Variants in SORCS3 observed in about 807,000 individuals in gnomAD.
SORCS3 encodes VPS10 domain-containing receptor SorCS3.
Under a neutral mutation model 146.3 loss-of-function variants are expected in SORCS3, and 57 were observed. That is an observed-to-expected ratio of 0.39 (90% CI 0.31 to 0.49). The LOEUF (loss-of-function observed/expected upper bound fraction) is 0.49. Ranked by LOEUF, SORCS3 falls within the 20% of genes least tolerant of loss-of-function variation. SORCS3 has a pLI of 0.92. For missense variants in SORCS3, 1,341 were observed against 1,575.5 expected (o/e 0.85, Z 2.52); for synonymous variants, 653 against 618.5 (o/e 1.06, Z -0.83).
chr10:105,168,225 A>G (rs936470673), intron 13 of SORCS3, among the ~76,000 whole-genome samples: 1 of 152,172 alleles, frequency 6.6e-6, no homozygotes, highest in East Asian at 1.9e-4. Flanking sequence ...AATGAAATAG[A>G]GACAGTATAG....
At chr10:105,194,560 C>T (rs1475610275) in intron 14 of SORCS3, among the ~76,000 whole-genome samples, 2 of 152,140 alleles carry the variant, frequency 1.3e-5, no homozygotes, top group Admixed American at 6.5e-5. Flanking sequence ...ACTAAGAATT[C>T]GTTTCTCTTT....
At chr10:105,083,299 A>T (rs1348684268) in intron 5 of SORCS3, among the ~76,000 whole-genome samples, 3 of 151,912 alleles carry the variant, frequency 2.0e-5, no homozygotes, top group Non-Finnish European at 4.4e-5. Flanking sequence ...ATGCTTGAAA[A>T]TTCATCTTTA....
intron 21 of SORCS3, 119 bp downstream of exon 21, chr10:105,245,784 G>C: frequency 7.8e-7 from 1 of 1,276,314 alleles, no homozygotes; most frequent in Non-Finnish European, 1.1e-6. Flanking sequence ...AATTACATAG[G>C]TCAACAGGAA....
chr10:105,160,525 G>A (rs1284340986), intron 11 of SORCS3, among the ~76,000 whole-genome samples: 1 of 152,154 alleles, frequency 6.6e-6, no homozygotes. Flanking sequence ...TACTAGGGAG[G>A]CTGAGGCAGT....
chr10:105,112,488 C>T (rs1197710766), intron 7 of SORCS3, among the ~76,000 whole-genome samples: 1 of 152,072 alleles, frequency 6.6e-6, no homozygotes, highest in Non-Finnish European at 1.5e-5. Flanking sequence ...AAGCAGAAAA[C>T]CCACAGACCA....
intron 2 of SORCS3, among the ~76,000 whole-genome samples, chr10:104,915,417 A>G (rs1002572544): frequency 2.0e-5 from 3 of 151,030 alleles, no homozygotes; most frequent in African/African-American, 7.3e-5. Context: ...TGACCTCAGG[A>G]GACAGCTGGC....
chr10:105,242,609 T>C (rs1281756047), intron 20 of SORCS3, among the ~76,000 whole-genome samples: 2 of 96,074 alleles, frequency 2.1e-5, no homozygotes, highest in East Asian at 3.4e-4. Flanking sequence ...TATATACATT[T>C]ATATATATTT....
At chr10:104,735,477 T>TTTTTTTTTTTTTC (rs1564671258) in intron 1 of SORCS3, among the ~76,000 whole-genome samples, 1 of 141,878 alleles carries the variant, frequency 7.0e-6, no homozygotes, top group African/African-American at 2.6e-5. Flanking sequence ...TTTTTTTTTT[T>TTTTTTTTTTTTTC]AATCAATCCC....
intron 25 of SORCS3, among the ~76,000 whole-genome samples, chr10:105,257,539 A>G (rs1287238052): frequency 6.6e-6 from 1 of 152,216 alleles, no homozygotes; most frequent in African/African-American, 2.4e-5. Flanking sequence ...TTAGAAACGT[A>G]AAATTGAAAT....
At chr10:105,228,393 C>T (rs1230208239) in intron 20 of SORCS3, among the ~76,000 whole-genome samples, 1 of 150,908 alleles carries the variant, frequency 6.6e-6, no homozygotes, top group Non-Finnish European at 1.5e-5. Flanking sequence ...TTCTCTCTTT[C>T]CTTCTGTTTC....
At chr10:105,049,152 A>G (rs564895101) in intron 5 of SORCS3, among the ~76,000 whole-genome samples, 10 of 152,114 alleles carry the variant, frequency 6.6e-5, no homozygotes, top group Admixed American at 2.0e-4. Context: ...ATAAGACCCC[A>G]ATTCAACACT....
intron 6 of SORCS3, among the ~76,000 whole-genome samples, chr10:105,105,047 C>T (rs2055811502): frequency 6.6e-6 from 1 of 152,046 alleles, no homozygotes; most frequent in Non-Finnish European, 1.5e-5. Context: ...TTAGAATTCT[C>T]TAATTAGAAA....
chr10:105,097,742 C>T (rs150772837), intron 6 of SORCS3, among the ~76,000 whole-genome samples: 2 of 152,200 alleles, frequency 1.3e-5, no homozygotes, highest in East Asian at 1.9e-4. Flanking sequence ...ATGAACAAAG[C>T]AGTAACAACA....
intron 2 of SORCS3, among the ~76,000 whole-genome samples, chr10:104,895,788 G>T (rs2018792390): frequency 6.6e-6 from 1 of 152,160 alleles, no homozygotes; most frequent in Non-Finnish European, 1.5e-5. Flanking sequence ...CTCCCTGCCT[G>T]CTAGCTTTGC....
chr10:104,670,568 G>A (rs961940678), intron 1 of SORCS3, among the ~76,000 whole-genome samples: 2 of 152,132 alleles, frequency 1.3e-5, no homozygotes, highest in Non-Finnish European at 2.9e-5. Context: ...GTGCCACACT[G>A]TTTTGATTAC....
intron 1 of SORCS3, among the ~76,000 whole-genome samples, chr10:104,742,401 G>T (rs1024805232): frequency 2.0e-5 from 3 of 152,196 alleles, no homozygotes; most frequent in Non-Finnish European, 4.4e-5. Context: ...TGAGAAGTGT[G>T]ACCAGCCTCC....
chr10:104,675,341 A>C (rs534790661), intron 1 of SORCS3, among the ~76,000 whole-genome samples: 44 of 151,686 alleles, frequency 2.9e-4, no homozygotes, highest in Non-Finnish European at 1.2e-4. Flanking sequence ...TATTTTCTGG[A>C]CTTGACTTCT....
chr10:104,754,907 A>G (rs905854001), intron 1 of SORCS3, among the ~76,000 whole-genome samples: 2 of 152,108 alleles, frequency 1.3e-5, no homozygotes, highest in East Asian at 1.9e-4. Context: ...CAGCTGATTT[A>G]TGTGTTTTCT....
At chr10:104,953,290 C>T (rs2019452726) in intron 3 of SORCS3, among the ~76,000 whole-genome samples, 1 of 152,204 alleles carries the variant, frequency 6.6e-6, no homozygotes, top group African/African-American at 2.4e-5. Flanking sequence ...TCCACACTCT[C>T]TGTGGCCATA....
Sources: gnomAD v4.1 joint callset for allele counts (sites outside exome capture counted in the v4.1 genomes callset) on GRCh38, gnomAD v4.1.1 for gene constraint, MANE v1.5 for transcripts, NCBI Gene and HGNC (gene_info 2026-07-23, HGNC 2026-07-21) for gene names.